FGD3: variants seen among roughly 807,000 people sequenced by gnomAD.
FGD3 encodes the protein FYVE, RhoGEF and PH domain-containing protein 3.
Under a neutral mutation model 71.8 loss-of-function variants are expected in FGD3, and 45 were observed. The observed-to-expected ratio is 0.63, with a 90% CI of 0.49 to 0.80. The LOEUF is 0.80. FGD3 is among the 30% of genes least tolerant of loss of function. The probability of loss-of-function intolerance (pLI) is 0.00; values close to 1 mark genes in which losing one functional copy is unlikely to be tolerated. For synonymous variants in FGD3, 378 were observed against 392.8 expected, an observed-to-expected ratio of 0.96 and a Z score of 0.44; for missense variants, 844 against 951.5, an observed-to-expected ratio of 0.89 and a Z score of 1.49.
intron 14 of FGD3, 51 bp from the exon 15 acceptor site, chr9:93,029,817 TGGGGTA>T: frequency 1.3e-6 from 2 of 1,577,822 alleles, no homozygotes; most frequent in Non-Finnish European, 8.6e-7. Context: ...CACTGCCGTG[TGGGGTA>T]GGGTGCACAC....
intron 1 of FGD3, among the ~76,000 whole-genome samples, chr9:92,960,712 C>A (rs1440580619): frequency 6.6e-6 from 1 of 152,120 alleles, no homozygotes; most frequent in African/African-American, 2.4e-5. Flanking sequence ...GGAGCACTCA[C>A]CCACCAGGAC....
At position 93,003,063 on chromosome 9, in the gene FGD3, G is replaced by A. The variant is rs1296284936; in HGVS notation, c.543+49G>A. ...GTTTCAGTATCTCTTAGCATTGGCT[G>A]GGCATTATAGGTGCAGTGTGAATGA... On this transcript the variant is annotated intron_variant, in intron 4 of 17. Coordinates refer to ENST00000375482, the MANE Select transcript of FGD3 (RefSeq NM_001083536.2). The surrounding 1 kb of genome is among the most constrained non-coding windows in gnomAD (Gnocchi z 4.1). 6.6e-7 allele frequency: 1 copy of A among 1,522,668 alleles called. No homozygotes were observed. Among genetic ancestry groups the A allele is most frequent in the Admixed American group, 1.7e-5 (1 of 59,710 alleles). 94.3% of individuals were successfully genotyped at this position (1,522,668 alleles called of 1,614,324 possible).
At chr9:93,013,725 A>G in intron 8 of FGD3, 127 bp from the exon 9 acceptor site, 2 of 1,184,394 alleles carry the variant, frequency 1.7e-6, no homozygotes, top group Non-Finnish European at 2.4e-6. Context: ...TTTCCCTCCC[A>G]CCCTTGTCAG....
chr9:93,023,933 C>T (rs1369162963), intron 14 of FGD3, among the ~76,000 whole-genome samples: 1 of 151,870 alleles, frequency 6.6e-6, no homozygotes, highest in Non-Finnish European at 1.5e-5. Flanking sequence ...TCCCCAGTAG[C>T]TGGGACTACA....
intron 3 of FGD3, among the ~76,000 whole-genome samples, chr9:92,979,289 C>T (rs1859897620): frequency 1.3e-5 from 2 of 152,116 alleles, no homozygotes; most frequent in African/African-American, 2.4e-5. Context: ...CATTCTGTTC[C>T]TAGTTTGTTG....
Position 92,976,498 on chromosome 9 carries a change from C to T in FGD3, c.242C>T (p.Pro81Leu), listed in dbSNP as rs1859760114. The change falls in exon 3 of 18, where the codon CCC becomes CTC. Residue 81 changes from proline (P) to leucine (L), a missense_variant. By Grantham distance (98) the Pro-to-Leu change is moderately conservative. Coordinates refer to ENST00000375482, the MANE Select transcript of FGD3 (RefSeq NM_001083536.2). ...AACCGGGACAGCGGGATCGACAGTC[C>T]CTCCTCCAGTGTGGCTGGAGAGAAC... ...IPNRDSGIDS[P>L]SSSVAGENFP... is the part of the protein sequence containing the mutation. The T allele has an allele frequency of 1.2e-6, 2 of 1,612,346 alleles. No homozygotes were observed. The highest frequency in any genetic ancestry group is 1.7e-5 in the Admixed American group (1 of 59,870).
chr9:92,966,542 C>G (rs1350032695), intron 1 of FGD3, among the ~76,000 whole-genome samples: 1 of 152,272 alleles, frequency 6.6e-6, no homozygotes, highest in East Asian at 1.9e-4. Context: ...GCCCCACCCT[C>G]CAGGTGGGGG....
intron 10 of FGD3, among the ~76,000 whole-genome samples, chr9:93,017,614 C>T (rs968955588): frequency 6.6e-6 from 1 of 151,988 alleles, no homozygotes. Context: ...AAGAAGTGAC[C>T]CCATTTTCAT....
intron 3 of FGD3, among the ~76,000 whole-genome samples, chr9:92,999,417 T>C (rs978935250): frequency 6.6e-6 from 1 of 152,092 alleles, no homozygotes; most frequent in African/African-American, 2.4e-5. Context: ...CCCCTTGTGC[T>C]TCCCGGGTGT....
Position 93,022,374 on chromosome 9 carries a change from T to G in FGD3, c.1542T>G (p.Ser514Arg). ...PVEPVVTTEG[S>R]SGAAGLEPRK... The stretch of plus-strand genomic sequence containing the variant: ...AGCCTGTGGTGACCACCGAAGGCAG[T>G]TCGGGTGCAGCAGGGGTAAGTGCCC... Residue 514 changes from serine to arginine, a missense_variant, in exon 14 of 18, where the codon AGT becomes AGG. Ser to Arg is a moderately radical substitution (Grantham distance 110). Coordinates refer to ENST00000375482, the MANE Select transcript of FGD3 (RefSeq NM_001083536.2). The G allele has an allele frequency of 6.2e-7, 1 of 1,612,504 alleles. No individual in the cohort carries two copies. Among genetic ancestry groups the G allele is most frequent in the Non-Finnish European group, 8.5e-7 (1 of 1,179,378 alleles).
chr9:92,995,575 A>T (rs1250463188), intron 3 of FGD3, among the ~76,000 whole-genome samples: 1 of 152,178 alleles, frequency 6.6e-6, no homozygotes, highest in East Asian at 1.9e-4. Flanking sequence ...GAATGCTTCC[A>T]GTTTTTGCTC....
chr9:93,018,675 A>C (rs574075992), intron 11 of FGD3, among the ~76,000 whole-genome samples: 1 of 152,282 alleles, frequency 6.6e-6, no homozygotes, highest in East Asian at 1.9e-4. Context: ...AGATAAAACA[A>C]ATGTTAACTT....
intron 1 of FGD3, among the ~76,000 whole-genome samples, chr9:92,965,133 T>C (rs1270151272): frequency 6.6e-6 from 1 of 152,172 alleles, no homozygotes; most frequent in African/African-American, 2.4e-5. Flanking sequence ...CCACCGTGAT[T>C]GTGCCCACTG....
chr9:93,011,235 C>T lies in FGD3; in HGVS notation c.998C>T (p.Thr333Ile), dbSNP rs1268826141. The stretch of plus-strand genomic sequence containing the variant: ...GCAGGGTCCTTGGAGCTCATCTCCA[C>T]AGCCGCCAACCACTCCAATGCTGCC... Reference protein sequence around the residue: ...DAERSLELISTAANHSNAAIR... With the variant: ...DAERSLELISIAANHSNAAIR... The change falls in exon 8 of 18, where the codon ACA becomes ATA. Residue 333 changes from threonine (T) to isoleucine (I), a missense_variant. Thr to Ile is a moderately conservative substitution (Grantham distance 89, BLOSUM62 -1). Transcript: ENST00000375482. The T allele has an allele frequency of 6.8e-6, 11 of 1,614,200 alleles. No homozygotes were observed. The highest frequency in any genetic ancestry group is 5.0e-5 in the Admixed American group (3 of 60,026).
intron 15 of FGD3, among the ~76,000 whole-genome samples, chr9:93,030,842 G>A (rs557264088): frequency 1.5e-4 from 23 of 152,184 alleles, no homozygotes; most frequent in African/African-American, 4.8e-4. Flanking sequence ...AGATGGATGC[G>A]TGGATGGATG....
At chr9:92,949,543 C>T (rs1415163089) in intron 1 of FGD3, among the ~76,000 whole-genome samples, 2 of 152,128 alleles carry the variant, frequency 1.3e-5, no homozygotes, top group African/African-American at 2.4e-5. Context: ...CTTGGGGTGT[C>T]GTCATTCTCC....
At position 93,035,812 on chromosome 9, in the gene FGD3, C is replaced by A. The variant is rs758951395; in HGVS notation, c.*223C>A. On this transcript the variant is annotated 3_prime_UTR_variant, in exon 18 of 18. Coordinates refer to ENST00000375482, the MANE Select transcript of FGD3 (RefSeq NM_001083536.2). ...TTTGGCTAAGAGCCTGGCCTCCAGC[C>A]CCAGCAGTGTGGCCCAGAGCAGGGG... The A allele has an allele frequency of 1.7e-6, 1 of 602,490 alleles. No individual in the cohort carries two copies. Among genetic ancestry groups the A allele is most frequent in the Non-Finnish European group, 2.7e-6 (1 of 365,774 alleles). 37.3% of individuals were successfully genotyped at this position (602,490 alleles called of 1,614,324 possible).
intron 1 of FGD3, among the ~76,000 whole-genome samples, chr9:92,951,559 C>G (rs978751908): frequency 3.3e-5 from 5 of 152,184 alleles, no homozygotes; most frequent in African/African-American, 1.2e-4. Context: ...GCCTGTAGTC[C>G]CAGCTACTCG....
At chr9:92,961,983 G>T (rs1349197239) in intron 1 of FGD3, among the ~76,000 whole-genome samples, 2 of 152,196 alleles carry the variant, frequency 1.3e-5, no homozygotes, top group South Asian at 2.1e-4. Flanking sequence ...GTGTCCACAG[G>T]TCAGCTCTAT....
Sources: allele counts gnomAD v4.1 joint callset (sites outside exome capture counted in the v4.1 genomes callset), GRCh38; gene constraint gnomAD v4.1.1; non-coding constraint Gnocchi (gnomAD v3.1); transcripts MANE v1.5; gene names NCBI Gene and HGNC (gene_info 2026-07-23, HGNC 2026-07-21).